Variants in TRPC4 observed in about 807,000 individuals in gnomAD.
TRPC4 encodes transient receptor potential cation channel subfamily C member 4.
Under a neutral mutation model 99.4 loss-of-function variants are expected in TRPC4, and 49 were observed. The ratio of observed to expected loss-of-function variants is 0.49; its 90% CI spans 0.39 to 0.63. The LOEUF (loss-of-function observed/expected upper bound fraction) is 0.63, where lower values mean the gene tolerates loss of function less well. Ranked by LOEUF, TRPC4 falls within the 20% of genes least tolerant of loss-of-function variation. TRPC4 has a pLI of 0.00. For missense variants in TRPC4, 898 were observed against 1,152.9 expected, an observed-to-expected ratio of 0.78 and a Z score of 3.20; for synonymous variants, 454 against 425.9, an observed-to-expected ratio of 1.07 and a Z score of -0.81.
intron 3 of TRPC4, among the ~76,000 whole-genome samples, chr13:37,742,907 G>T (rs1955632867): frequency 6.6e-6 from 1 of 152,096 alleles, no homozygotes; most frequent in Admixed American, 6.6e-5. Flanking sequence ...AAAGTAAAAT[G>T]TTATTCCTGA....
intron 1 of TRPC4, among the ~76,000 whole-genome samples, chr13:37,824,493 A>T (rs1391210571): frequency 6.6e-6 from 1 of 152,022 alleles, no homozygotes; most frequent in Non-Finnish European, 1.5e-5. Flanking sequence ...GGGTTGTTGA[A>T]TTTTGTCAAA....
At chr13:37,721,777 G>A (rs1028261175) in intron 3 of TRPC4, among the ~76,000 whole-genome samples, 12 of 152,030 alleles carry the variant, frequency 7.9e-5, no homozygotes, top group Admixed American at 7.9e-4. Context: ...ATTTATAGGC[G>A]ATTTTATTTA....
chr13:37,808,840 A>G (rs973335902), intron 1 of TRPC4, among the ~76,000 whole-genome samples: 1 of 151,954 alleles, frequency 6.6e-6, no homozygotes, highest in African/African-American at 2.4e-5. Context: ...TTCCTTAATA[A>G]ATACCCAGCA....
chr13:37,781,251 G>A (rs9548047), intron 2 of TRPC4, among the ~76,000 whole-genome samples: 79,023 of 151,870 alleles, frequency 0.52, 21,095 homozygotes, highest in East Asian at 0.78. Flanking sequence ...ATGTTCCATG[G>A]CAGTTTCATT....
At chr13:37,833,555 C>T (rs1343025176) in intron 1 of TRPC4, among the ~76,000 whole-genome samples, 1 of 152,186 alleles carries the variant, frequency 6.6e-6, no homozygotes, top group Non-Finnish European at 1.5e-5. Context: ...ACAGACTGTG[C>T]TTCCTGTGAG....
At chr13:37,731,027 T>C (rs2139082801) in intron 3 of TRPC4, among the ~76,000 whole-genome samples, 1 of 152,154 alleles carries the variant, frequency 6.6e-6, no homozygotes, top group East Asian at 1.9e-4. Flanking sequence ...AACTGGGGTC[T>C]ATTCTGAAGT....
chr13:37,765,473 G>C (rs4112002), intron 2 of TRPC4, among the ~76,000 whole-genome samples: 9 of 151,388 alleles, frequency 5.9e-5, no homozygotes, highest in Non-Finnish European at 1.3e-4. Flanking sequence ...GCTGTTATTT[G>C]ACATGTATTT....
At chr13:37,653,367 C>T (rs571181678) in intron 7 of TRPC4, among the ~76,000 whole-genome samples, 3 of 150,378 alleles carry the variant, frequency 2.0e-5, no homozygotes, top group African/African-American at 4.9e-5. Context: ...CATGGTTTAC[C>T]GATGGCTCTG....
At chr13:37,706,929 A>G (rs1277149569) in intron 3 of TRPC4, among the ~76,000 whole-genome samples, 1 of 152,164 alleles carries the variant, frequency 6.6e-6, no homozygotes, top group Non-Finnish European at 1.5e-5. Flanking sequence ...ATATTCTTCA[A>G]TTCTCTTGAT....
At chr13:37,765,204 C>A (rs957395623) in intron 2 of TRPC4, among the ~76,000 whole-genome samples, 3 of 151,330 alleles carry the variant, frequency 2.0e-5, no homozygotes, top group Non-Finnish European at 4.4e-5. Context: ...ATTATCAAAT[C>A]TATCAGTGTC....
intron 3 of TRPC4, among the ~76,000 whole-genome samples, chr13:37,709,544 T>G (rs979247212): frequency 6.6e-6 from 1 of 151,994 alleles, no homozygotes; most frequent in Non-Finnish European, 1.5e-5. Context: ...TCCTCCTTCA[T>G]GCACACATTC....
chr13:37,764,983 G>T lies in TRPC4; in HGVS notation c.378+17973C>A, dbSNP rs1226073570. Among the ~76,000 whole-genome samples the T allele has an allele frequency of 5.3e-5, 8 of 150,586 alleles. No individual in the cohort carries two copies. In the South Asian group the frequency reaches 1.0e-3, roughly 20 times the overall value. On this transcript the variant is annotated intron_variant, in intron 2 of 10. Transcript: ENST00000379705. Reference sequence around the variant, plus strand: ...TTCTTTCTCATGTTGTCCTCTTCAGGCTTTGATGGTAAGGCATATTTATAA... The same window carrying T: ...TTCTTTCTCATGTTGTCCTCTTCAGTCTTTGATGGTAAGGCATATTTATAA...
At chr13:37,808,698 A>G (rs1439871838) in intron 1 of TRPC4, among the ~76,000 whole-genome samples, 1 of 152,098 alleles carries the variant, frequency 6.6e-6, no homozygotes, top group African/African-American at 2.4e-5. Flanking sequence ...GGGCTCTGCT[A>G]GCACCTAAGC....
chr13:37,642,222 G>C (rs1038817567), intron 8 of TRPC4, among the ~76,000 whole-genome samples: 18 of 152,120 alleles, frequency 1.2e-4, no homozygotes, highest in Non-Finnish European at 2.1e-4. Context: ...CTTTGGAGGA[G>C]CCCAAAAGTT....
chr13:37,760,384 AC>A (rs1480206057), intron 2 of TRPC4, among the ~76,000 whole-genome samples: 1 of 151,922 alleles, frequency 6.6e-6, no homozygotes, highest in Non-Finnish European at 1.5e-5. Context: ...AATTTTTATA[AC>A]GTCCTTTTGT....
chr13:37,820,887 G>A (rs1957989890), intron 1 of TRPC4, among the ~76,000 whole-genome samples: 1 of 151,996 alleles, frequency 6.6e-6, no homozygotes, highest in Non-Finnish European at 1.5e-5. Context: ...AAACAAGGAT[G>A]TCCTCTCTCA....
chr13:37,726,175 G>C (rs983389602), intron 3 of TRPC4, among the ~76,000 whole-genome samples: 1 of 151,214 alleles, frequency 6.6e-6, no homozygotes, highest in Non-Finnish European at 1.5e-5. Flanking sequence ...CAGCCTGGGC[G>C]ACAGAGTGAG....
chr13:37,810,977 A>G (rs1430432605), intron 1 of TRPC4, among the ~76,000 whole-genome samples: 1 of 151,934 alleles, frequency 6.6e-6, no homozygotes, highest in Non-Finnish European at 1.5e-5. Flanking sequence ...TTTTCACACT[A>G]TTATAATCGC....
In TRPC4 at chr13:37,636,989, CATGTTTCTCCTTTGGT is replaced by C; in HGVS notation, c.2832_2847del (p.Ile944MetfsTer9). On this transcript the variant is annotated frameshift_variant, in exon 11 of 11. Transcript: ENST00000379705. LOFTEE classifies it high-confidence loss of function. ...TCTATACTAGAGTCCTCTTCTTTTG[CATGTTTCTCCTTTGGT>C]ATTATAGGAACCGTGTCCTCCACCA... 1.2e-6 allele frequency: 2 copies of C among 1,613,718 alleles called. No individual in the cohort carries two copies. Among genetic ancestry groups the C allele is most frequent in the Non-Finnish European group, 1.7e-6 (2 of 1,179,742 alleles).
Sources: allele counts gnomAD v4.1 joint callset (sites outside exome capture counted in the v4.1 genomes callset), GRCh38; gene constraint gnomAD v4.1.1; transcripts MANE v1.5; gene names NCBI Gene and HGNC (gene_info 2026-07-23, HGNC 2026-07-21).